Variants in CBFA2T3 observed in about 807,000 individuals in gnomAD.
The protein encoded by CBFA2T3 is CBFA2/RUNX1 partner transcriptional co-repressor 3, also known as transcriptional corepressor CBFA2T3.
A neutral mutation model predicts 58.6 loss-of-function variants in CBFA2T3; 31 were observed. The ratio of observed to expected loss-of-function variants is 0.53; its 90% CI spans 0.40 to 0.71. CBFA2T3 has a LOEUF of 0.71. CBFA2T3 is among the 30% of genes least tolerant of loss of function. The pLI is 0.00. For missense variants in CBFA2T3, 1,076 were observed against 963.1 expected (o/e 1.12, Z -1.55); for synonymous variants, 531 against 421.9 (o/e 1.26, Z -3.17).
At chr16:88,900,140 G>A (rs961332540) in intron 2 of CBFA2T3, among the ~76,000 whole-genome samples, 4 of 152,204 alleles carry the variant, frequency 2.6e-5, no homozygotes, top group Admixed American at 6.5e-5. Context: ...GCGGCGTCCC[G>A]ACTCTCTGAG....
intron 3 of CBFA2T3, among the ~76,000 whole-genome samples, chr16:88,895,668 C>T (rs1327353473): frequency 1.3e-5 from 2 of 152,190 alleles, no homozygotes; most frequent in Non-Finnish European, 2.9e-5. Flanking sequence ...AGCGCTCACT[C>T]TGCTCTCACT....
chr16:88,901,481 G>A (rs762487151), intron 2 of CBFA2T3, 23 bp downstream of exon 2: 3 of 1,381,696 alleles, frequency 2.2e-6, no homozygotes, highest in Non-Finnish European at 2.9e-6. Context: ...CTGGCCCTCG[G>A]CTGCCAGGTG....
chr16:88,969,831 G>T (rs1972604102), intron 1 of CBFA2T3, among the ~76,000 whole-genome samples: 3 of 152,212 alleles, frequency 2.0e-5, no homozygotes, highest in Non-Finnish European at 4.4e-5. Flanking sequence ...AGCATGGCCT[G>T]GGGGGTTGCG....
intron 1 of CBFA2T3, among the ~76,000 whole-genome samples, chr16:88,970,497 G>A (rs1333047439): frequency 6.6e-6 from 1 of 152,224 alleles, no homozygotes; most frequent in Admixed American, 6.5e-5. Context: ...GTGTGAGCTC[G>A]GCTGGTTTCC....
chr16:88,924,546 C>G (rs1392422896), intron 1 of CBFA2T3, among the ~76,000 whole-genome samples: 1 of 152,082 alleles, frequency 6.6e-6, no homozygotes, highest in Non-Finnish European at 1.5e-5. Flanking sequence ...CTGCGGGGGC[C>G]ACCAGGGCAG....
intron 1 of CBFA2T3, among the ~76,000 whole-genome samples, chr16:88,974,039 TC>T (rs1972724879): frequency 6.6e-6 from 1 of 152,012 alleles, no homozygotes; most frequent in African/African-American, 2.4e-5. Flanking sequence ...ACTCAGTTTC[TC>T]CCCCATGGAG....
intron 1 of CBFA2T3, among the ~76,000 whole-genome samples, chr16:88,904,318 T>C (rs1288343155): frequency 1.3e-5 from 2 of 151,674 alleles, no homozygotes; most frequent in African/African-American, 4.8e-5. Context: ...CATTGCATCC[T>C]CACCGAGACC....
Position 88,927,352 on chromosome 16 carries a change from G to C in CBFA2T3, c.152-25696C>G, listed in dbSNP as rs557011693. 2.0e-4 allele frequency among the ~76,000 whole-genome samples: 30 copies of C among 152,322 alleles called. No individual in the cohort carries two copies. In the East Asian group the frequency reaches 3.9e-3, roughly 20 times the overall value. On this transcript the variant is annotated intron_variant, in intron 1 of 11. Transcript: ENST00000268679. ...TGAGGCCGCTGGGCCCCATCTGTGG[G>C]GAGAGGCAGCTGGAAACTGGGGGCC... is the stretch of plus-strand genomic sequence containing the variant.
intron 1 of CBFA2T3, among the ~76,000 whole-genome samples, chr16:88,928,006 C>A (rs3809588): frequency 0.021 from 3,194 of 152,288 alleles, 52 homozygotes; most frequent in African/African-American, 0.044. Flanking sequence ...CCACAGGCAG[C>A]GGCTCCCGGC....
In CBFA2T3 at chr16:88,881,432, G is replaced by T. The variant is rs11642210; in HGVS notation, c.1261C>A (p.Arg421Ser). The stretch of plus-strand genomic sequence containing the variant: ...TCGCGGTCGGCCTCCTGGCACCTGC[G>T]CAGCACCGTGAGCGAGCGCCGCGTC... The part of the protein sequence containing the change: ...EKTRRSLTVL[R>S]RCQEADREEL... Residue 421 changes from arginine to serine, a missense_variant, in exon 9 of 12, where the codon CGC (arginine) becomes AGC (serine). Transcript: ENST00000268679. 4.3e-6 allele frequency: 7 copies of T among 1,609,710 alleles called. No homozygotes were observed. The highest frequency in any genetic ancestry group is 5.1e-6 in the Non-Finnish European group (6 of 1,178,738).
At position 88,959,463 on chromosome 16, in the gene CBFA2T3, C is replaced by G. The variant is rs182260772; in HGVS notation, c.151+17194G>C. ...GGAGGCCCGGGCACCAAGGCAGCAC[C>G]CAGCGCTTACAGAGCCTGCAGGTCT... On this transcript the variant is annotated intron_variant, in intron 1 of 11. Transcript: ENST00000268679. 2.6e-3 allele frequency among the ~76,000 whole-genome samples: 402 copies of G among 152,316 alleles called. 1 individual carries two copies. Among genetic ancestry groups the G allele is most frequent in the African/African-American group, 9.5e-3 (394 of 41,570 alleles).
chr16:88,925,304 A>T (rs531778), intron 1 of CBFA2T3, among the ~76,000 whole-genome samples: 2 of 152,130 alleles, frequency 1.3e-5, no homozygotes, highest in East Asian at 3.9e-4. Flanking sequence ...GGAGACCCAC[A>T]AGGGGCCTGC....
At chr16:88,896,785 C>G (rs780506696) in intron 3 of CBFA2T3, among the ~76,000 whole-genome samples, 1 of 152,166 alleles carries the variant, frequency 6.6e-6, no homozygotes, top group Non-Finnish European at 1.5e-5. Context: ...CCCTGCCCAC[C>G]GCCCCGGCCA....
At chr16:88,967,656 G>T (rs758502553) in intron 1 of CBFA2T3, among the ~76,000 whole-genome samples, 1 of 152,138 alleles carries the variant, frequency 6.6e-6, no homozygotes, top group Middle Eastern at 3.2e-3. Context: ...AGCAGGCCGG[G>T]GACGGGGACG....
intron 2 of CBFA2T3, among the ~76,000 whole-genome samples, 154 bp downstream of exon 2, chr16:88,901,350 C>T (rs915176620): frequency 3.9e-5 from 6 of 152,338 alleles, no homozygotes; most frequent in Admixed American, 1.3e-4. Flanking sequence ...GGATTTGAAC[C>T]GGCCAAGCCT....
intron 1 of CBFA2T3, among the ~76,000 whole-genome samples, chr16:88,959,951 C>A: frequency 6.6e-6 from 1 of 152,138 alleles, no homozygotes; most frequent in South Asian, 2.1e-4. Flanking sequence ...ATCACTTGAA[C>A]GCAGGAGATG....
rs2142555962 is a variant in CBFA2T3, at chr16:88,885,902, G to A, written c.893+59C>T. The A allele has an allele frequency of 1.4e-6, 2 of 1,431,690 alleles. No homozygotes were observed. The highest frequency in any genetic ancestry group is 2.8e-5 in the African/African-American group (2 of 70,696). The allele number at this position is 1,431,690 out of a possible 1,614,324, so 88.7% of individuals were successfully genotyped here. On this transcript the variant is annotated intron_variant, in intron 6 of 11. Coordinates refer to ENST00000268679, the MANE Select transcript of CBFA2T3 (RefSeq NM_005187.6). The surrounding 1 kb of genome is among the most constrained non-coding windows in gnomAD (Gnocchi z 5.3). The stretch of plus-strand genomic sequence containing the variant: ...GGTTCCCTCTCTTACCCAGAGGGGA[G>A]CAGGGTGAGCCGCGTGTCCACGGCA...
chr16:88,926,761 G>T (rs1027418790), intron 1 of CBFA2T3, among the ~76,000 whole-genome samples: 1 of 152,254 alleles, frequency 6.6e-6, no homozygotes, highest in Non-Finnish European at 1.5e-5. Flanking sequence ...TCACAGTGGG[G>T]GTTGCTGGGA....
At chr16:88,975,120 G>GACCCTCT (rs1567643739) in intron 1 of CBFA2T3, among the ~76,000 whole-genome samples, 1 of 107,992 alleles carries the variant, frequency 9.3e-6, no homozygotes, top group Admixed American at 1.0e-4. Context: ...AGGCCACCCT[G>GACCCTCT]GCCCTCTGCT....
Sources: gnomAD v4.1 joint callset for allele counts (sites outside exome capture counted in the v4.1 genomes callset) on GRCh38, gnomAD v4.1.1 for gene constraint, Gnocchi (gnomAD v3.1) non-coding constraint, MANE v1.5 for transcripts, NCBI Gene and HGNC (gene_info 2026-07-23, HGNC 2026-07-21) for gene names.